Variants in BCKDHB observed in about 807,000 individuals in gnomAD.
BCKDHB encodes branched chain keto acid dehydrogenase E1 subunit beta, also known as 2-oxoisovalerate dehydrogenase subunit beta, mitochondrial.
In BCKDHB, 41 loss-of-function variants were observed where a neutral mutation model predicts 48.5. The ratio of observed to expected loss-of-function variants is 0.85; its 90% CI spans 0.66 to 1.10. The LOEUF (loss-of-function observed/expected upper bound fraction) is 1.10. Among genes scored for constraint, BCKDHB ranks in the 50% least tolerant of loss-of-function variants. The pLI, the probability that BCKDHB is intolerant of heterozygous loss-of-function variation, is 0.00. For synonymous variants in BCKDHB, 201 were observed against 174.8 expected, an observed-to-expected ratio of 1.15 and a Z score of -1.18; for missense variants, 496 against 494.2, an observed-to-expected ratio of 1.00 and a Z score of -0.03.
At chr6:80,401,387 T>C in the BCKDHB span, among the ~76,000 whole-genome samples, 1 of 151,678 alleles carries the variant, frequency 6.6e-6, no homozygotes, top group African/African-American at 2.4e-5. Context: ...CGACCCCTTT[T>C]TAAATTATTT....
intron 3 of BCKDHB, among the ~76,000 whole-genome samples, chr6:80,164,946 A>G (rs1772499361): frequency 6.6e-6 from 1 of 152,194 alleles, no homozygotes; most frequent in South Asian, 2.1e-4. Flanking sequence ...CCGATTTTTA[A>G]CAGTTCATGT....
chr6:80,210,208 G>A (rs948497192), intron 8 of BCKDHB, among the ~76,000 whole-genome samples: 2 of 148,726 alleles, frequency 1.3e-5, no homozygotes, highest in African/African-American at 2.5e-5. Flanking sequence ...GTAAACTGCC[G>A]AAGTACTCAT....
At chr6:80,281,569 C>T (rs777294826) in intron 9 of BCKDHB, among the ~76,000 whole-genome samples, 9 of 152,040 alleles carry the variant, frequency 5.9e-5, no homozygotes, top group African/African-American at 1.2e-4. Flanking sequence ...AGACTTGAAC[C>T]GATGAATATA....
At chr6:80,460,347 G>A in the BCKDHB span, among the ~76,000 whole-genome samples, 1 of 152,094 alleles carries the variant, frequency 6.6e-6, no homozygotes, top group East Asian at 1.9e-4. Context: ...AATGGATATT[G>A]CTGAACAAAA....
intron 9 of BCKDHB, among the ~76,000 whole-genome samples, chr6:80,299,545 A>G (rs758245597): frequency 1.3e-5 from 2 of 152,224 alleles, no homozygotes; most frequent in African/African-American, 4.8e-5. Flanking sequence ...AGTGAAAGCA[A>G]GTTTATTAAG....
the BCKDHB span, among the ~76,000 whole-genome samples, chr6:80,381,533 G>A: frequency 6.6e-6 from 1 of 151,996 alleles, no homozygotes; most frequent in South Asian, 2.1e-4. Flanking sequence ...TTAAAGTCAG[G>A]TGATGAGGTC....
chr6:80,227,725 T>C (rs1775739152), intron 8 of BCKDHB, among the ~76,000 whole-genome samples: 1 of 152,156 alleles, frequency 6.6e-6, no homozygotes, highest in Non-Finnish European at 1.5e-5. Flanking sequence ...AGTCCTGTGT[T>C]TATGAATCTG....
the BCKDHB span, among the ~76,000 whole-genome samples, chr6:80,395,612 TAGGAA>T: frequency 1.3e-5 from 2 of 152,186 alleles, no homozygotes; most frequent in Admixed American, 6.5e-5. Flanking sequence ...GAAGATTTGA[TAGGAA>T]AGAAAACCCC....
At chr6:80,298,928 C>T (rs2127989920) in intron 9 of BCKDHB, among the ~76,000 whole-genome samples, 1 of 152,280 alleles carries the variant, frequency 6.6e-6, no homozygotes, top group Non-Finnish European at 1.5e-5. Context: ...AAAAAGCGCC[C>T]CATGTCCTAT....
intron 5 of BCKDHB, among the ~76,000 whole-genome samples, chr6:80,170,759 A>G (rs1772872835): frequency 6.6e-6 from 1 of 152,252 alleles, no homozygotes; most frequent in East Asian, 1.9e-4. Flanking sequence ...TTGCTTTGCT[A>G]TATAACTGGA....
chr6:80,187,272 C>CA (rs1203462063), intron 6 of BCKDHB, among the ~76,000 whole-genome samples: 7 of 152,212 alleles, frequency 4.6e-5, no homozygotes, highest in Non-Finnish European at 8.8e-5. Context: ...TCATGCCTGA[C>CA]ACATAGTAAA....
chr6:80,420,613 G>T, the BCKDHB span, among the ~76,000 whole-genome samples: 1 of 152,176 alleles, frequency 6.6e-6, no homozygotes, highest in Non-Finnish European at 1.5e-5. Context: ...AACACATGAG[G>T]TGCTGTCTAC....
the BCKDHB span, among the ~76,000 whole-genome samples, chr6:80,425,554 G>C: frequency 3.9e-5 from 6 of 152,152 alleles, no homozygotes; most frequent in Admixed American, 2.0e-4. Flanking sequence ...TTAACGGAAA[G>C]ATCTAAAATA....
At chr6:80,272,163 T>C (rs623085) in intron 8 of BCKDHB, among the ~76,000 whole-genome samples, 139,485 of 152,198 alleles carry the variant, frequency 0.92, 64,006 homozygotes, top group East Asian at 0.99. Flanking sequence ...GGCTACTGGC[T>C]ATATCTGAGA....
At chr6:80,238,513 G>C (rs1427999692) in intron 8 of BCKDHB, among the ~76,000 whole-genome samples, 3 of 152,220 alleles carry the variant, frequency 2.0e-5, no homozygotes, top group Non-Finnish European at 2.9e-5. Flanking sequence ...TCGGAAACCA[G>C]AGTAGGCTCA....
intron 8 of BCKDHB, among the ~76,000 whole-genome samples, chr6:80,250,886 T>G (rs748205285): frequency 3.3e-5 from 5 of 152,234 alleles, no homozygotes; most frequent in Admixed American, 1.3e-4. Context: ...TTATGAAGAT[T>G]TAATGTAATT....
chr6:80,126,004 G>T (rs1170318315), intron 1 of BCKDHB, among the ~76,000 whole-genome samples: 1 of 152,158 alleles, frequency 6.6e-6, no homozygotes, highest in Non-Finnish European at 1.5e-5. Context: ...AAGTATGCCT[G>T]TATCTATTAA....
intron 3 of BCKDHB, among the ~76,000 whole-genome samples, chr6:80,147,439 A>G (rs999708045): frequency 3.0e-4 from 46 of 152,344 alleles, no homozygotes; most frequent in African/African-American, 1.1e-3. Flanking sequence ...TTCAAGTTGC[A>G]TTAGATTACA....
chr6:80,112,050 T>C (rs898962704), intron 1 of BCKDHB, among the ~76,000 whole-genome samples: 1 of 152,252 alleles, frequency 6.6e-6, no homozygotes, highest in African/African-American at 2.4e-5. Context: ...ACTTAAGTCA[T>C]GTGAACTTGA....
Sources: gnomAD v4.1 joint callset for allele counts (sites outside exome capture counted in the v4.1 genomes callset) on GRCh38, gnomAD v4.1.1 for gene constraint, MANE v1.5 for transcripts, NCBI Gene and HGNC (gene_info 2026-07-23, HGNC 2026-07-21) for gene names.